ANK3: variants seen among roughly 807,000 people sequenced by gnomAD.
The protein encoded by ANK3 is ankyrin 3, also known as ankyrin-3.
ANK3 carries 57 observed loss-of-function variants against 370.9 expected under a neutral mutation model. The ratio of observed to expected loss-of-function variants is 0.15; its 90% CI spans 0.12 to 0.19. The LOEUF is 0.19. Ranked by LOEUF, ANK3 falls within the 10% of genes least tolerant of loss-of-function variation. The pLI is 1.00. For missense variants in ANK3, 4,439 were observed against 5,302.1 expected (o/e 0.84, Z 5.06); for synonymous variants, 1,929 against 1,946.3 (o/e 0.99, Z 0.23).
At chr10:60,373,724 C>T (rs1291894782) in intron 1 of ANK3, among the ~76,000 whole-genome samples, 1 of 152,164 alleles carries the variant, frequency 6.6e-6, no homozygotes, top group Non-Finnish European at 1.5e-5. Context: ...GGATCTCTCC[C>T]TTGCTTTACA....
At position 60,139,042 on chromosome 10, in the gene ANK3, T is replaced by C. The variant is rs2094461459; in HGVS notation, c.2660A>G (p.Gln887Arg). Residue 887 changes from glutamine (Q) to arginine (R), a missense_variant, in exon 24 of 44, where the codon CAG (glutamine) becomes CGG (arginine). Physicochemically the swap from Gln to Arg is conservative, Grantham distance 43. This residue lies in a region of ANK3 where 702 missense variants were observed against 941.5 expected (regional missense o/e 0.75). Coordinates refer to ENST00000280772, the MANE Select transcript of ANK3 (RefSeq NM_020987.5). Reference sequence around the variant, plus strand: ...ATCATCACCCAATTCCTTAAGGTCCTGTGGCCCAAGATATTTGTCTGTGTC... The same window carrying C: ...ATCATCACCCAATTCCTTAAGGTCCCGTGGCCCAAGATATTTGTCTGTGTC... ...TGDTDKYLGPQDLKELGDDSL... is the reference protein window; with the variant it reads ...TGDTDKYLGPRDLKELGDDSL... 3 of 1,613,842 alleles carry C rather than the reference T, an allele frequency of 1.9e-6. No individual in the cohort carries two copies. Among genetic ancestry groups the C allele is most frequent in the Non-Finnish European group, 2.5e-6 (3 of 1,179,824 alleles).
intron 2 of ANK3, among the ~76,000 whole-genome samples, chr10:60,596,969 C>A (rs1046086385): frequency 6.6e-6 from 1 of 152,038 alleles, no homozygotes; most frequent in Non-Finnish European, 1.5e-5. Context: ...TATAGAAAGA[C>A]TATTTACATA....
chr10:60,327,880 C>T (rs1162710942), intron 1 of ANK3, among the ~76,000 whole-genome samples: 1 of 152,132 alleles, frequency 6.6e-6, no homozygotes, highest in East Asian at 1.9e-4. Flanking sequence ...CAACTGGAGT[C>T]TCATCCAGGT....
At chr10:60,084,405 CAAA>C in intron 32 of ANK3, 194 bp downstream of exon 32, 1 of 191,248 alleles carries the variant, frequency 5.2e-6, no homozygotes, top group Admixed American at 7.1e-5. Context: ...GGCTCCGTCT[CAAA>C]AAAAAAAAAA....
At chr10:60,234,178 C>G (rs947400408) in intron 8 of ANK3, among the ~76,000 whole-genome samples, 2 of 152,292 alleles carry the variant, frequency 1.3e-5, no homozygotes, top group Admixed American at 1.3e-4. Context: ...TTGCCTATTG[C>G]TGCTATGAAC....
At chr10:60,175,620 T>A (rs933248617) in intron 18 of ANK3, among the ~76,000 whole-genome samples, 3 of 151,854 alleles carry the variant, frequency 2.0e-5, no homozygotes, top group Non-Finnish European at 4.4e-5. Flanking sequence ...TGCATCCGAG[T>A]CTTTAACAGC....
At chr10:60,411,021 T>C (rs1185898310) in intron 2 of ANK3, among the ~76,000 whole-genome samples, 4 of 152,134 alleles carry the variant, frequency 2.6e-5, no homozygotes, top group Non-Finnish European at 5.9e-5. Context: ...TTCTCCTGGC[T>C]TTTGACCCAG....
At chr10:60,237,075 T>C (rs1229828700) in intron 7 of ANK3, among the ~76,000 whole-genome samples, 1 of 152,262 alleles carries the variant, frequency 6.6e-6, no homozygotes, top group Non-Finnish European at 1.5e-5. Context: ...CGACTGTGTA[T>C]AACAGGTTAC....
chr10:60,061,518 A>C (rs1326876816), intron 40 of ANK3, among the ~76,000 whole-genome samples: 1 of 152,302 alleles, frequency 6.6e-6, no homozygotes, highest in East Asian at 1.9e-4. Flanking sequence ...ACTATAACTT[A>C]TCAATAATTT....
intron 1 of ANK3, among the ~76,000 whole-genome samples, chr10:60,615,682 C>T (rs2078258940): frequency 6.6e-6 from 1 of 152,186 alleles, no homozygotes; most frequent in African/African-American, 2.4e-5. Flanking sequence ...AATCCATTTT[C>T]TCCCAAACTT....
chr10:60,381,200 T>G (rs1381744354), intron 1 of ANK3, among the ~76,000 whole-genome samples: 2 of 152,168 alleles, frequency 1.3e-5, no homozygotes, highest in African/African-American at 4.8e-5. Flanking sequence ...GATTTCTTCA[T>G]TCAACCCAAG....
chr10:60,074,518 A>T lies in ANK3; in HGVS notation c.6363T>A (p.Asp2121Glu). Residue 2121 changes from aspartate to glutamate, a missense_variant, in exon 37 of 44, where the codon GAT (aspartate) becomes GAA (glutamate). Around this residue, in one of 13 missense-constraint regions of ANK3, gnomAD observed 679 missense variants for 791.0 expected, o/e 0.86. Coordinates refer to ENST00000280772, the MANE Select transcript of ANK3 (RefSeq NM_020987.5). Reference sequence around the variant, plus strand: ...AGCCACTGTCAGACAAGGGACTTTTATCTTGGTCGTGTTGAGAAAAGTCAT... The same window carrying T: ...AGCCACTGTCAGACAAGGGACTTTTTTCTTGGTCGTGTTGAGAAAAGTCAT... ...SPDDFSQHDQ[D>E]KSPLSDSGFE... 6.2e-7 allele frequency: 1 copy of T among 1,613,748 alleles called. No homozygotes were observed. The highest frequency in any genetic ancestry group is 1.7e-5 in the Admixed American group (1 of 59,942).
chr10:60,226,052 T>C (rs2132502495), intron 8 of ANK3, among the ~76,000 whole-genome samples: 1 of 143,036 alleles, frequency 7.0e-6, no homozygotes, highest in South Asian at 2.1e-4. Context: ...ATAGAGAGTG[T>C]ATATAGTATA....
chr10:60,339,638 T>C (rs1237112134), intron 1 of ANK3, among the ~76,000 whole-genome samples: 1 of 152,210 alleles, frequency 6.6e-6, no homozygotes, highest in Non-Finnish European at 1.5e-5. Flanking sequence ...AACAAATGTA[T>C]CTTACACTGT....
chr10:60,236,509 G>A (rs538456903), intron 7 of ANK3, among the ~76,000 whole-genome samples: 266 of 152,182 alleles, frequency 1.7e-3, no homozygotes, highest in African/African-American at 6.0e-3. Flanking sequence ...GTAATTTATT[G>A]TGTAGACTCT....
intron 4 of ANK3, among the ~76,000 whole-genome samples, chr10:60,275,788 ATAT>A (rs2098082053): frequency 1.3e-5 from 2 of 152,292 alleles, no homozygotes; most frequent in South Asian, 4.1e-4. Context: ...GGTAGTTAAA[ATAT>A]TATTGGAAAC....
At chr10:60,201,708 CTT>C (rs10544317) in intron 12 of ANK3, among the ~76,000 whole-genome samples, 80,982 of 119,540 alleles carry the variant, frequency 0.68, 25,546 homozygotes, top group East Asian at 0.79. Context: ...GAAATCACTT[CTT>C]TTTTTTTTTT....
rs777021007 is a variant in ANK3, at chr10:60,073,607, C to T, written c.7274G>A (p.Ser2425Asn). The change falls in exon 37 of 44, where the codon AGT (serine) becomes AAT (asparagine). Residue 2425 changes from serine (S) to asparagine (N), a missense_variant. Physicochemically the swap from Ser to Asn is conservative, Grantham distance 46 (BLOSUM62 1). Around this residue, in one of 13 missense-constraint regions of ANK3, gnomAD observed 1,601 missense variants for 1,731.7 expected, o/e 0.92. Coordinates refer to ENST00000280772, the MANE Select transcript of ANK3 (RefSeq NM_020987.5). The part of the protein sequence containing the change: ...PVSQEEDSRP[S>N]SAQLISDDSY... The stretch of plus-strand genomic sequence containing the variant: ...GTCATCAGATATGAGTTGAGCAGAA[C>T]TAGGGCGGCTATCTTCTTCTTGGGA... 1.2e-6 allele frequency: 2 copies of T among 1,613,836 alleles called. No homozygotes were observed. The highest frequency in any genetic ancestry group is 2.2e-5 in the East Asian group (1 of 44,866).
At chr10:60,160,548 T>C (rs1214067408) in intron 23 of ANK3, among the ~76,000 whole-genome samples, 4 of 152,152 alleles carry the variant, frequency 2.6e-5, no homozygotes, top group Admixed American at 6.5e-5. Context: ...AAACTCATTC[T>C]ATGAGGCCAG....
Sources: allele counts gnomAD v4.1 joint callset (sites outside exome capture counted in the v4.1 genomes callset), GRCh38; gene constraint gnomAD v4.1.1; regional missense constraint gnomAD v4.1.1; transcripts MANE v1.5; gene names NCBI Gene and HGNC (gene_info 2026-07-23, HGNC 2026-07-21).